ADAMTSL1: variants seen among roughly 807,000 people sequenced by gnomAD.
ADAMTSL1 encodes ADAMTS like 1, also known as ADAMTS-like protein 1.
Under a neutral mutation model 201.8 loss-of-function variants are expected in ADAMTSL1, and 126 were observed. That is an observed-to-expected ratio of 0.62 (90% CI 0.54 to 0.72). ADAMTSL1 has a LOEUF of 0.72. ADAMTSL1 is among the 30% of genes least tolerant of loss of function. The pLI is 0.00. For missense variants in ADAMTSL1, 2,679 were observed against 2,277.8 expected (o/e 1.18, Z -3.59); for synonymous variants, 1,121 against 903.4 (o/e 1.24, Z -4.32).
At chr9:17,928,164 G>A (rs1826630778) in intron 1 of ADAMTSL1, among the ~76,000 whole-genome samples, 1 of 151,670 alleles carries the variant, frequency 6.6e-6, no homozygotes, top group Non-Finnish European at 1.5e-5. Flanking sequence ...CCCAGCTAAT[G>A]TTTTTGTGTT....
chr9:17,926,876 A>G (rs1043998937), intron 1 of ADAMTSL1, among the ~76,000 whole-genome samples: 3 of 152,142 alleles, frequency 2.0e-5, no homozygotes. Flanking sequence ...CTTACCCATT[A>G]AAATTATTTT....
At chr9:18,835,994 T>A (rs1178177451) in intron 23 of ADAMTSL1, among the ~76,000 whole-genome samples, 1 of 152,182 alleles carries the variant, frequency 6.6e-6, no homozygotes, top group African/African-American at 2.4e-5. Context: ...TTTGGTAGAA[T>A]GATTTATTTT....
chr9:18,371,862 T>C (rs1837055910), intron 2 of ADAMTSL1, among the ~76,000 whole-genome samples: 7 of 152,290 alleles, frequency 4.6e-5, no homozygotes, highest in Admixed American at 3.3e-4. Context: ...AAACGAAGTT[T>C]CTTCCCTACA....
intron 16 of ADAMTSL1, among the ~76,000 whole-genome samples, chr9:18,759,882 T>C (rs1399385107): frequency 6.6e-6 from 1 of 152,236 alleles, no homozygotes; most frequent in African/African-American, 2.4e-5. Flanking sequence ...ACTTCTGTTC[T>C]CATTTTAATA....
chr9:18,725,879 T>C (rs975744381), intron 15 of ADAMTSL1, among the ~76,000 whole-genome samples: 2 of 152,242 alleles, frequency 1.3e-5, no homozygotes, highest in Non-Finnish European at 2.9e-5. Context: ...GATTTTATTT[T>C]GTATATTGTT....
intron 1 of ADAMTSL1, among the ~76,000 whole-genome samples, chr9:17,953,692 G>A (rs998909642): frequency 1.3e-5 from 2 of 152,144 alleles, no homozygotes; most frequent in African/African-American, 4.8e-5. Context: ...AATCATACAT[G>A]GGGAAAGAAA....
chr9:18,395,176 A>C (rs552134907), intron 2 of ADAMTSL1, among the ~76,000 whole-genome samples: 1 of 152,294 alleles, frequency 6.6e-6, no homozygotes, highest in African/African-American at 2.4e-5. Flanking sequence ...GATCTCCAGC[A>C]TTATGTCATG....
chr9:18,424,513 A>G (rs977701315), intron 2 of ADAMTSL1, among the ~76,000 whole-genome samples: 4 of 152,220 alleles, frequency 2.6e-5, no homozygotes, highest in Non-Finnish European at 4.4e-5. Context: ...TATGGGGTAG[A>G]TAATTCTCCA....
intron 2 of ADAMTSL1, among the ~76,000 whole-genome samples, chr9:18,322,007 A>C (rs1167873645): frequency 1.3e-5 from 2 of 152,204 alleles, no homozygotes; most frequent in Admixed American, 6.5e-5. Context: ...AAACCACCAA[A>C]TATTTGAAAA....
chr9:18,184,081 T>C (rs1828623458), intron 2 of ADAMTSL1, among the ~76,000 whole-genome samples: 2 of 152,180 alleles, frequency 1.3e-5, no homozygotes, highest in Admixed American at 1.3e-4. Context: ...AATTCCGAAA[T>C]GTAACAAATG....
intron 4 of ADAMTSL1, among the ~76,000 whole-genome samples, chr9:18,604,117 A>G (rs1197909868): frequency 6.6e-6 from 1 of 152,224 alleles, no homozygotes; most frequent in Non-Finnish European, 1.5e-5. Flanking sequence ...CAATTTGCTA[A>G]CAGCCTAAAA....
chr9:18,853,952 T>A (rs1039923948), intron 23 of ADAMTSL1, among the ~76,000 whole-genome samples: 8 of 149,648 alleles, frequency 5.3e-5, no homozygotes, highest in Non-Finnish European at 1.2e-4. Context: ...TATAATAGAA[T>A]CAAAATACAC....
At chr9:18,152,707 G>A (rs562559348) in intron 1 of ADAMTSL1, among the ~76,000 whole-genome samples, 30 of 152,050 alleles carry the variant, frequency 2.0e-4, no homozygotes, top group African/African-American at 7.0e-4. Flanking sequence ...GGTGGAAGAC[G>A]AGCCTTGGTG....
chr9:18,591,824 G>A (rs1823934640), intron 4 of ADAMTSL1, among the ~76,000 whole-genome samples: 1 of 152,150 alleles, frequency 6.6e-6, no homozygotes, highest in South Asian at 2.1e-4. Flanking sequence ...ACTAACTCTT[G>A]GAAAGCATTT....
intron 21 of ADAMTSL1, among the ~76,000 whole-genome samples, chr9:18,825,844 TTA>T (rs766648179): frequency 2.0e-5 from 3 of 152,142 alleles, no homozygotes; most frequent in Non-Finnish European, 4.4e-5. Flanking sequence ...TTACTCAACA[TTA>T]TGTTTATTTC....
In ADAMTSL1 at chr9:18,826,444, C is replaced by A; in HGVS notation, c.4095C>A (p.Ser1365Arg). 6.2e-7 allele frequency: 1 copy of A among 1,613,468 alleles called. No individual in the cohort carries two copies. Among genetic ancestry groups the A allele is most frequent in the East Asian group, 2.2e-5 (1 of 44,846 alleles). Residue 1365 changes from serine (S) to arginine (R), a missense_variant, in exon 22 of 29, where the codon AGC (serine) becomes AGA (arginine). By Grantham distance (110) the Ser-to-Arg change is moderately radical. Coordinates refer to ENST00000380548, the MANE Select transcript of ADAMTSL1 (RefSeq NM_001040272.6). ...AANLHGELTE[S>R]TQLLILDPPQ... ...ATCTTCATGGAGAGCTGACTGAGAG[C>A]ACCCAGCTGCTGATCCTAGGTAAAC...
At chr9:18,708,502 C>T (rs566431233) in intron 14 of ADAMTSL1, among the ~76,000 whole-genome samples, 1 of 152,172 alleles carries the variant, frequency 6.6e-6, no homozygotes, top group Non-Finnish European at 1.5e-5. Flanking sequence ...ATTTTGAGAA[C>T]GTCTTTTCTT....
intron 7 of ADAMTSL1, among the ~76,000 whole-genome samples, chr9:18,650,492 G>C (rs200176114): frequency 2.0e-5 from 3 of 152,118 alleles, no homozygotes; most frequent in Non-Finnish European, 4.4e-5. Context: ...GTAGCTCACG[G>C]TGGGAGTTGT....
intron 1 of ADAMTSL1, among the ~76,000 whole-genome samples, chr9:17,991,128 G>A (rs1376788373): frequency 6.6e-6 from 1 of 151,974 alleles, no homozygotes; most frequent in East Asian, 1.9e-4. Flanking sequence ...TATCCCAAAC[G>A]CTGTACTGGG....
Sources: gnomAD v4.1 joint callset for allele counts (sites outside exome capture counted in the v4.1 genomes callset) on GRCh38, gnomAD v4.1.1 for gene constraint, MANE v1.5 for transcripts, NCBI Gene and HGNC (gene_info 2026-07-23, HGNC 2026-07-21) for gene names.